LINGO3: variants seen among roughly 807,000 people sequenced by gnomAD.
LINGO3 encodes the protein leucine-rich repeat and immunoglobulin-like domain-containing nogo receptor-interacting protein 3.
For missense variants in LINGO3, 750 were observed against 867.7 expected, an observed-to-expected ratio of 0.86 and a Z score of 1.70; for synonymous variants, 427 against 444.2, an observed-to-expected ratio of 0.96 and a Z score of 0.49.
the LINGO3 span, among the ~76,000 whole-genome samples, chr19:2,306,856 A>T: frequency 6.6e-6 from 1 of 152,030 alleles, no homozygotes; most frequent in Non-Finnish European, 1.5e-5. Flanking sequence ...TCCCACTCAG[A>T]TCCTGTCTCC....
chr19:2,291,783 G>A (rs1321279485), exon 1 of LINGO3: 2 of 1,423,756 alleles, frequency 1.4e-6, no homozygotes, highest in South Asian at 2.8e-5. Flanking sequence ...TCATGGTGCG[G>A]AGCGTGGGCC....
At position 2,290,025 on chromosome 19, in the gene LINGO3, C is replaced by T; in HGVS notation, c.1752G>A (p.Ala584=). The T allele has an allele frequency of 1.9e-6, 3 of 1,545,632 alleles. No homozygotes were observed. Among genetic ancestry groups the T allele is most frequent in the Non-Finnish European group, 1.7e-6 (2 of 1,144,970 alleles). The stretch of plus-strand genomic sequence containing the variant: ...AGATCATCTTCATGTTGAACTTGCG[C>T]GCGCCTCCCTGGCCCGCCGCGGCGG... Residue 584 remains alanine, a synonymous_variant, in exon 1 of 1, where the codon GCG becomes GCA. Transcript: ENST00000585527. The surrounding 1 kb of genome is among the most constrained non-coding windows in gnomAD (Gnocchi z 6.0).
chr19:2,295,536 A>G (rs1453292960), upstream of LINGO3, among the ~76,000 whole-genome samples: 1 of 152,096 alleles, frequency 6.6e-6, no homozygotes, highest in East Asian at 1.9e-4. Flanking sequence ...GGAGTTCGAG[A>G]GCAGCCTAAG....
At chr19:2,307,462 C>T in the LINGO3 span, among the ~76,000 whole-genome samples, 4 of 152,120 alleles carry the variant, frequency 2.6e-5, no homozygotes, top group East Asian at 1.9e-4. Flanking sequence ...CCCAGAGGCC[C>T]GGGAGGTGGC....
chr19:2,296,007 G>C (rs868110348), upstream of LINGO3, among the ~76,000 whole-genome samples: 38 of 152,006 alleles, frequency 2.5e-4, no homozygotes, highest in African/African-American at 8.0e-4. Flanking sequence ...GAGCGAGAGA[G>C]GGGGCATGCC....
the LINGO3 span, among the ~76,000 whole-genome samples, chr19:2,299,239 G>T: frequency 6.6e-6 from 1 of 152,110 alleles, no homozygotes; most frequent in African/African-American, 2.4e-5. Context: ...CAGGAGGGGG[G>T]ATCTGGCAGC....
upstream of LINGO3, among the ~76,000 whole-genome samples, chr19:2,293,565 G>A (rs1172372032): frequency 6.9e-6 from 1 of 145,702 alleles, no homozygotes. Context: ...TTGCCATGTT[G>A]GCCAGGCTGG....
chr19:2,295,792 G>A (rs146993764), upstream of LINGO3, among the ~76,000 whole-genome samples: 80 of 152,210 alleles, frequency 5.3e-4, 1 homozygote, highest in African/African-American at 1.8e-3. Context: ...GGATTTAGGT[G>A]GACAGGACAC....
At position 2,290,861 on chromosome 19, in the gene LINGO3, G is replaced by T. The variant is rs755673201; in HGVS notation, c.916C>A (p.Leu306Met). The T allele has an allele frequency of 3.1e-6, 5 of 1,611,524 alleles. No individual in the cohort carries two copies. The African/African-American group carries it at 6.7e-5, about 22-fold the overall frequency. ...AAGGCCTGCGGCTCCACCACAGCCA[G>T]CAGGGCCCCGGCCAGGTGCAGCTCG... The change falls in exon 1 of 1, where the codon CTG (leucine) becomes ATG (methionine). Residue 306 changes from leucine to methionine, a missense_variant. Transcript: ENST00000585527. This position sits in a 1 kb window ranked among gnomAD's most constrained non-coding sequence, Gnocchi z 6.0.
chr19:2,291,582 G>A, exon 1 of LINGO3: 1 of 1,556,732 alleles, frequency 6.4e-7, no homozygotes, highest in South Asian at 1.2e-5. Context: ...GGCAGCGGAT[G>A]CGGTTGCGGC....
chr19:2,308,129 AGCCGACACGAGCAGCC>A, the LINGO3 span, among the ~76,000 whole-genome samples: 1 of 133,668 alleles, frequency 7.5e-6, no homozygotes, highest in Non-Finnish European at 1.6e-5. Flanking sequence ...GGCCGCCCGG[AGCCGACACGAGCAGCC>A]GCCGCCGCCG....
chr19:2,299,548 C>T, the LINGO3 span, among the ~76,000 whole-genome samples: 33 of 151,014 alleles, frequency 2.2e-4, no homozygotes, highest in African/African-American at 7.8e-4. Flanking sequence ...CTCAGCCTGC[C>T]GAGTAGCTGG....
the LINGO3 span, among the ~76,000 whole-genome samples, chr19:2,301,670 G>A: frequency 5.3e-5 from 8 of 152,146 alleles, no homozygotes; most frequent in Non-Finnish European, 8.8e-5. Context: ...TGGCTCACGC[G>A]TCATCCCAGC....
chr19:2,303,288 T>A, the LINGO3 span, among the ~76,000 whole-genome samples: 3 of 151,942 alleles, frequency 2.0e-5, no homozygotes, highest in African/African-American at 4.8e-5. Flanking sequence ...CAGGTGAGAA[T>A]CGTGCAGCCC....
At chr19:2,301,915 G>A in the LINGO3 span, among the ~76,000 whole-genome samples, 73 of 121,650 alleles carry the variant, frequency 6.0e-4, no homozygotes, top group Middle Eastern at 7.1e-3. Flanking sequence ...GCGACAGAGC[G>A]AGACTCCATC....
chr19:2,306,306 A>G, the LINGO3 span, among the ~76,000 whole-genome samples: 26 of 152,160 alleles, frequency 1.7e-4, no homozygotes, highest in Non-Finnish European at 3.4e-4. Flanking sequence ...TCCCCACTAG[A>G]GGGTGAAGGG....
upstream of LINGO3, among the ~76,000 whole-genome samples, chr19:2,296,731 C>T (rs538045401): frequency 6.6e-6 from 1 of 151,504 alleles, no homozygotes; most frequent in East Asian, 2.0e-4. Flanking sequence ...CCCACCTCGG[C>T]CTCTCAAAGT....
upstream of LINGO3, among the ~76,000 whole-genome samples, chr19:2,294,666 G>A (rs2025557527): frequency 6.6e-6 from 1 of 152,118 alleles, no homozygotes; most frequent in African/African-American, 2.4e-5. The surrounding 1 kb of genome is among the most constrained non-coding windows in gnomAD (Gnocchi z 4.3). Flanking sequence ...ACATGGAGCC[G>A]TGGTGGCCCA....
chr19:2,293,410 TG>T (rs141066172), upstream of LINGO3, among the ~76,000 whole-genome samples: 14,647 of 144,090 alleles, frequency 0.1, 951 homozygotes, highest in Middle Eastern at 0.15. Flanking sequence ...CAGGCTGGAA[TG>T]CAGTGGTGCG....
Sources: allele counts gnomAD v4.1 joint callset (sites outside exome capture counted in the v4.1 genomes callset), GRCh38; gene constraint gnomAD v4.1.1; non-coding constraint Gnocchi (gnomAD v3.1); transcripts MANE v1.5; gene names NCBI Gene and HGNC (gene_info 2026-07-23, HGNC 2026-07-21).